Variants in RBFOX1 observed in about 807,000 individuals in gnomAD.
The protein encoded by RBFOX1 is RNA binding fox-1 homolog 1, also known as RNA binding protein fox-1 homolog 1.
A neutral mutation model predicts 57.7 loss-of-function variants in RBFOX1; 8 were observed. That is an observed-to-expected ratio of 0.14 (90% CI 0.08 to 0.25). RBFOX1 has a LOEUF of 0.25. Among genes scored for constraint, RBFOX1 ranks in the 10% least tolerant of loss-of-function variants. The pLI is 1.00. For synonymous variants in RBFOX1, 326 were observed against 222.4 expected, an observed-to-expected ratio of 1.47 and a Z score of -4.15; for missense variants, 611 against 548.5, an observed-to-expected ratio of 1.11 and a Z score of -1.14.
chr16:5,673,867 C>T (rs191840610), intron 3 of RBFOX1, among the ~76,000 whole-genome samples: 1 of 152,330 alleles, frequency 6.6e-6, no homozygotes, highest in African/African-American at 2.4e-5. Flanking sequence ...AGCATTTTGC[C>T]TGCATCATCT....
At chr16:5,323,798 G>C (rs1105396) in intron 1 of RBFOX1, among the ~76,000 whole-genome samples, 110,784 of 152,158 alleles carry the variant, frequency 0.73, 43,516 homozygotes, top group South Asian at 0.88. Context: ...GTGAACATCT[G>C]CCCATCACCA....
intron 2 of RBFOX1, among the ~76,000 whole-genome samples, chr16:6,457,151 AC>A (rs2094793795): frequency 3.3e-5 from 5 of 152,232 alleles, no homozygotes; most frequent in Middle Eastern, 3.4e-3. Context: ...ACGTCTTTGG[AC>A]CCCAAACATT....
intron 2 of RBFOX1, chr16:5,598,820 A>G (rs962016782): frequency 5.5e-6 from 6 of 1,084,428 alleles, no homozygotes; most frequent in African/African-American, 4.8e-5. Flanking sequence ...GGGTTGTGCT[A>G]AACTGGGTTA....
At chr16:6,160,524 G>A (rs906956634) in intron 1 of RBFOX1, among the ~76,000 whole-genome samples, 7 of 152,168 alleles carry the variant, frequency 4.6e-5, no homozygotes, top group African/African-American at 1.7e-4. Flanking sequence ...TCATCTTTGA[G>A]TCATTACCAC....
chr16:6,762,911 A>C (rs554613843), intron 3 of RBFOX1, among the ~76,000 whole-genome samples: 1 of 152,284 alleles, frequency 6.6e-6, no homozygotes, highest in Admixed American at 6.5e-5. Context: ...TTTCAGAGAA[A>C]GGTAGCATCT....
At chr16:5,587,365 C>G (rs1321491041) in intron 2 of RBFOX1, among the ~76,000 whole-genome samples, 1 of 152,164 alleles carries the variant, frequency 6.6e-6, no homozygotes, top group South Asian at 2.1e-4. Context: ...AAATGCAAGT[C>G]AAAACTGCAG....
intron 1 of RBFOX1, among the ~76,000 whole-genome samples, chr16:5,246,837 A>T (rs1596296623): frequency 6.6e-6 from 1 of 151,956 alleles, no homozygotes; most frequent in East Asian, 1.9e-4. Flanking sequence ...CGCTCCACTA[A>T]GTTTTGTATT....
intron 3 of RBFOX1, among the ~76,000 whole-genome samples, chr16:7,029,326 GA>G (rs2042193010): frequency 6.8e-6 from 1 of 146,506 alleles, no homozygotes; most frequent in Non-Finnish European, 1.5e-5. Flanking sequence ...ATAAAATCAA[GA>G]AGAGCCAGAA....
chr16:6,859,119 A>ATATATGTATATATATATATG (rs2058441423), intron 3 of RBFOX1, among the ~76,000 whole-genome samples: 1 of 82,212 alleles, frequency 1.2e-5, no homozygotes, highest in Non-Finnish European at 2.0e-5. Context: ...GTGTATATAT[A>ATATATGTATATATATATATG]TATATATATA....
chr16:5,859,208 A>C (rs1459392797), intron 3 of RBFOX1, among the ~76,000 whole-genome samples: 1 of 152,112 alleles, frequency 6.6e-6, no homozygotes, highest in East Asian at 1.9e-4. Context: ...CTGTCTCACA[A>C]ACAAAAACAA....
intron 4 of RBFOX1, among the ~76,000 whole-genome samples, chr16:5,991,996 G>GA (rs1257252007): frequency 2.6e-5 from 4 of 152,102 alleles, no homozygotes; most frequent in South Asian, 2.1e-4. Flanking sequence ...CAGGTAGTGA[G>GA]AAAAAAATAC....
At chr16:6,452,914 A>C (rs2094668486) in intron 2 of RBFOX1, among the ~76,000 whole-genome samples, 1 of 152,218 alleles carries the variant, frequency 6.6e-6, no homozygotes, top group African/African-American at 2.4e-5. Flanking sequence ...CTTTGCACCT[A>C]GAAGGTGCTC....
chr16:5,490,976 T>A (rs938439331), intron 2 of RBFOX1, among the ~76,000 whole-genome samples: 2 of 143,824 alleles, frequency 1.4e-5, no homozygotes, highest in African/African-American at 3.0e-5. Flanking sequence ...ATTTATATAT[T>A]TTTTTCCATA....
chr16:5,852,643 G>C (rs894155876), intron 3 of RBFOX1, among the ~76,000 whole-genome samples: 59 of 152,094 alleles, frequency 3.9e-4, no homozygotes, highest in African/African-American at 1.4e-3. Context: ...AGGGGTGGAG[G>C]GGGGTGATTA....
chr16:7,073,460 A>C (rs1412062061), intron 4 of RBFOX1, among the ~76,000 whole-genome samples: 1 of 152,188 alleles, frequency 6.6e-6, no homozygotes, highest in Admixed American at 6.5e-5. Context: ...CACCATTTAA[A>C]GAAAGACGAT....
At chr16:6,234,615 T>G (rs1180295270) in intron 1 of RBFOX1, among the ~76,000 whole-genome samples, 1 of 152,196 alleles carries the variant, frequency 6.6e-6, no homozygotes, top group Admixed American at 6.5e-5. Context: ...TGGAGAATAA[T>G]GACTCTCAGG....
chr16:7,531,134 A>G (rs1207694869), intron 5 of RBFOX1, among the ~76,000 whole-genome samples: 1 of 152,192 alleles, frequency 6.6e-6, no homozygotes, highest in Non-Finnish European at 1.5e-5. Context: ...ATTTTCTTGT[A>G]AAAATAAAAA....
chr16:5,985,357 C>G (rs56204843), intron 4 of RBFOX1, among the ~76,000 whole-genome samples: 1 of 151,996 alleles, frequency 6.6e-6, no homozygotes. Flanking sequence ...GAAACTCATT[C>G]TGCAGTTCAG....
At chr16:7,261,177 G>C (rs1436707016) in intron 4 of RBFOX1, among the ~76,000 whole-genome samples, 1 of 152,186 alleles carries the variant, frequency 6.6e-6, no homozygotes, top group East Asian at 1.9e-4. Flanking sequence ...GTTCTTGCTT[G>C]TTTTGGCTGT....
Sources: allele counts gnomAD v4.1 joint callset (sites outside exome capture counted in the v4.1 genomes callset), GRCh38; gene constraint gnomAD v4.1.1; transcripts MANE v1.5; gene names NCBI Gene and HGNC (gene_info 2026-07-23, HGNC 2026-07-21).